CLASP1: variants seen among roughly 807,000 people sequenced by gnomAD.
CLASP1 encodes the protein cytoplasmic linker associated protein 1.
CLASP1 carries 38 observed loss-of-function variants against 192.3 expected under a neutral mutation model. The ratio of observed to expected loss-of-function variants is 0.20; its 90% CI spans 0.15 to 0.26. CLASP1 has a LOEUF of 0.26. CLASP1 is among the 10% of genes least tolerant of loss of function. The probability of loss-of-function intolerance (pLI) is 1.00; values close to 1 mark genes in which losing one functional copy is unlikely to be tolerated. For missense variants in CLASP1, 1,433 were observed against 1,932.5 expected (o/e 0.74, Z 4.85); for synonymous variants, 691 against 712.8 (o/e 0.97, Z 0.49).
At chr2:121,395,625 C>T (rs767935380) in intron 30 of CLASP1, among the ~76,000 whole-genome samples, 23 of 152,210 alleles carry the variant, frequency 1.5e-4, no homozygotes, top group Non-Finnish European at 2.5e-4. Flanking sequence ...ATGCAAACTG[C>T]ATCCATATTC....
chr2:121,484,657 A>C (rs1437625524), intron 8 of CLASP1, among the ~76,000 whole-genome samples: 1 of 152,212 alleles, frequency 6.6e-6, no homozygotes, highest in Non-Finnish European at 1.5e-5. Context: ...GGAAAGATAC[A>C]AGAGAACATG....
intron 2 of CLASP1, among the ~76,000 whole-genome samples, chr2:121,564,281 T>C (rs1397145414): frequency 6.6e-6 from 1 of 152,180 alleles, no homozygotes; most frequent in Non-Finnish European, 1.5e-5. Context: ...CTATAAATGT[T>C]CCATGTACGA....
chr2:121,460,169 A>G (rs2087591986), intron 11 of CLASP1, 44 bp from the exon 12 acceptor site: 1 of 1,512,398 alleles, frequency 6.6e-7, no homozygotes, highest in Admixed American at 1.8e-5. Context: ...AACAATTCTA[A>G]CACAGACTAT....
intron 20 of CLASP1, among the ~76,000 whole-genome samples, chr2:121,429,558 T>C (rs972481999): frequency 7.2e-5 from 11 of 152,144 alleles, no homozygotes; most frequent in Non-Finnish European, 1.5e-4. Flanking sequence ...ACTTCACATA[T>C]ACAGAGACGC....
chr2:121,571,571 G>C (rs2059979446), intron 2 of CLASP1, among the ~76,000 whole-genome samples: 1 of 152,144 alleles, frequency 6.6e-6, no homozygotes, highest in Non-Finnish European at 1.5e-5. Context: ...GCAAAACATG[G>C]TCTGGCAAAG....
At chr2:121,462,337 C>T (rs2088254309) in intron 10 of CLASP1, among the ~76,000 whole-genome samples, 195 bp downstream of exon 10, 1 of 152,098 alleles carries the variant, frequency 6.6e-6, no homozygotes, top group Non-Finnish European at 1.5e-5. Flanking sequence ...ATGTCTTTCC[C>T]GTTCTTACTG....
chr2:121,404,213 T>G, intron 26 of CLASP1, 158 bp downstream of exon 27: 2 of 913,858 alleles, frequency 2.2e-6, no homozygotes, highest in Non-Finnish European at 2.6e-6. Context: ...AGAATTCTGT[T>G]TTTAAAAGAT....
At chr2:121,395,102 T>C (rs1207902879) in intron 30 of CLASP1, among the ~76,000 whole-genome samples, 2 of 152,108 alleles carry the variant, frequency 1.3e-5, no homozygotes, top group Admixed American at 6.5e-5. Flanking sequence ...TGCAAGAGAC[T>C]GAAATCTGCC....
At chr2:121,384,165 T>C (rs530547089) in intron 32 of CLASP1, among the ~76,000 whole-genome samples, 104 of 142,202 alleles carry the variant, frequency 7.3e-4, no homozygotes, top group South Asian at 3.9e-3. Context: ...CACATATATA[T>C]ATATACACAC....
chr2:121,341,171 G>A (rs914236243), intron 39 of CLASP1, among the ~76,000 whole-genome samples: 3 of 152,216 alleles, frequency 2.0e-5, no homozygotes, highest in Admixed American at 2.0e-4. Context: ...CCAGAGGAGA[G>A]GGAAAAGCCG....
chr2:121,493,165 C>CAAAATT (rs1464456418), intron 8 of CLASP1, among the ~76,000 whole-genome samples: 1 of 152,102 alleles, frequency 6.6e-6, no homozygotes, highest in Non-Finnish European at 1.5e-5. Flanking sequence ...TACGGAACCA[C>CAAAATT]AAAAGACTCA....
chr2:121,548,765 C>T (rs2057717209), intron 2 of CLASP1, among the ~76,000 whole-genome samples: 1 of 151,156 alleles, frequency 6.6e-6, no homozygotes, highest in Non-Finnish European at 1.5e-5. Context: ...ATTCAACATT[C>T]TTAAATAAAA....
chr2:121,624,934 G>A (rs1576560214), intron 1 of CLASP1, among the ~76,000 whole-genome samples: 1 of 152,110 alleles, frequency 6.6e-6, no homozygotes, highest in Non-Finnish European at 1.5e-5. Flanking sequence ...GGTGATTTCA[G>A]TGTGTGTAGT....
At chr2:121,576,977 G>A (rs374670456) in intron 2 of CLASP1, among the ~76,000 whole-genome samples, 43 of 152,236 alleles carry the variant, frequency 2.8e-4, no homozygotes, top group Non-Finnish European at 5.3e-4. Flanking sequence ...AGGGACTGGC[G>A]GTAATTTTGT....
chr2:121,592,029 T>C (rs1398457437), intron 2 of CLASP1, among the ~76,000 whole-genome samples: 2 of 152,210 alleles, frequency 1.3e-5, no homozygotes, highest in Non-Finnish European at 2.9e-5. Flanking sequence ...CTACCTAACC[T>C]GTTCAATAGA....
At chr2:121,371,828 C>T (rs1244520254) in intron 34 of CLASP1, among the ~76,000 whole-genome samples, 2 of 152,156 alleles carry the variant, frequency 1.3e-5, no homozygotes, top group African/African-American at 2.4e-5. Context: ...AGGCAAGGTT[C>T]TTCTCTCCAC....
intron 8 of CLASP1, among the ~76,000 whole-genome samples, chr2:121,478,282 G>C (rs12611457): frequency 0.13 from 19,540 of 152,028 alleles, 1,720 homozygotes; most frequent in African/African-American, 0.24. Context: ...GCAGGGATTA[G>C]AAGAGAACTC....
At chr2:121,482,467 C>T (rs926275375) in intron 8 of CLASP1, among the ~76,000 whole-genome samples, 22 of 152,150 alleles carry the variant, frequency 1.4e-4, no homozygotes, top group Admixed American at 6.5e-5. Flanking sequence ...CTTACAGCGA[C>T]ACGCCAAGAG....
intron 2 of CLASP1, among the ~76,000 whole-genome samples, chr2:121,533,919 T>C (rs1477206785): frequency 6.6e-6 from 1 of 152,190 alleles, no homozygotes; most frequent in Non-Finnish European, 1.5e-5. Context: ...GTCCAACACA[T>C]CTTCTTTATC....
Sources: gnomAD v4.1 joint callset for allele counts (sites outside exome capture counted in the v4.1 genomes callset) on GRCh38, gnomAD v4.1.1 for gene constraint, MANE v1.5 for transcripts, NCBI Gene and HGNC (gene_info 2026-07-23, HGNC 2026-07-21) for gene names.